Variants in NID2 observed in about 807,000 individuals in gnomAD.
The protein encoded by NID2 is nidogen 2.
NID2 carries 83 observed loss-of-function variants against 145.4 expected under a neutral mutation model. That is an observed-to-expected ratio of 0.57 (90% CI 0.48 to 0.69). The LOEUF (loss-of-function observed/expected upper bound fraction) is 0.69, where lower values mean the gene tolerates loss of function less well. NID2 is among the 30% of genes least tolerant of loss of function. The pLI is 0.00. For synonymous variants in NID2, 739 were observed against 701.3 expected (o/e 1.05, Z -0.85); for missense variants, 1,807 against 1,765.7 (o/e 1.02, Z -0.42).
At position 52,054,279 on chromosome 14, in the gene NID2, G is replaced by A. The variant is rs372334779; in HGVS notation, c.810C>T (p.Ile270=). ...LGIPGVWAFH[I]GSTSPLDNVR... is the part of the protein sequence containing the mutation. ...CATTGTCCAACGGGGAAGTGCTGCC[G>A]ATATGGAAAGCCCACACTCCAGGGA... is the stretch of plus-strand genomic sequence containing the variant. Residue 270 remains isoleucine (I), a synonymous_variant, in exon 4 of 22, where the codon ATC becomes ATT. Transcript: ENST00000216286. 145 of 1,614,098 alleles carry A rather than the reference G, an allele frequency of 9.0e-5. No homozygotes were observed. The highest frequency in any genetic ancestry group is 1.1e-4 in the Non-Finnish European group (134 of 1,179,978).
intron 13 of NID2, 36 bp from the exon 14 acceptor site, chr14:52,019,330 A>C: frequency 2.0e-6 from 3 of 1,512,290 alleles, no homozygotes; most frequent in Non-Finnish European, 2.7e-6. Context: ...CACAAAAGAG[A>C]AATAGAAGGC....
intron 12 of NID2, among the ~76,000 whole-genome samples, chr14:52,023,352 G>C (rs116320177): frequency 6.6e-6 from 1 of 151,926 alleles, no homozygotes; most frequent in Non-Finnish European, 1.5e-5. Flanking sequence ...TACTTGGGGG[G>C]GCTGAGATGT....
intron 19 of NID2, 196 bp from the exon 20 acceptor site, chr14:52,006,856 T>G (rs541001935): frequency 2.2e-6 from 1 of 447,474 alleles, no homozygotes; most frequent in East Asian, 4.1e-5. Context: ...CTTTCAATCC[T>G]TTTTTGGAAG....
chr14:52,027,463 C>G, intron 11 of NID2, 119 bp from the exon 12 acceptor site: 1 of 813,918 alleles, frequency 1.2e-6, no homozygotes, highest in Non-Finnish European at 1.8e-6. Flanking sequence ...GTTCTCAGAC[C>G]CTACCCAAGG....
chr14:52,047,450 A>T (rs1892542815), intron 5 of NID2, among the ~76,000 whole-genome samples: 1 of 152,134 alleles, frequency 6.6e-6, no homozygotes, highest in Non-Finnish European at 1.5e-5. Context: ...GGCCTGGGTC[A>T]TTCATGCAGG....
In NID2 at chr14:52,044,266, C is replaced by CTTT. The variant is rs55972168; in HGVS notation, c.1430-1338_1430-1336dup. On this transcript the variant is annotated intron_variant, in intron 5 of 21. Coordinates refer to ENST00000216286, the MANE Select transcript of NID2 (RefSeq NM_007361.4). ...ATATACAAGCTTTACATTTAACAAC[C>CTTT]TTTTTTTTTTTTTTTTTTTTTGAAA... Among the ~76,000 whole-genome samples, 377 of 113,924 alleles carry CTTT rather than the reference C, an allele frequency of 3.3e-3. 7 individuals carry two copies. The highest frequency in any genetic ancestry group is 6.8e-3 in the South Asian group (22 of 3,242). The allele number at this position is 113,924 out of a possible 152,430, so 74.7% of individuals were successfully genotyped here. A position where few individuals can be genotyped will look rare whatever the true frequency, so the allele number is the denominator to read the frequency against.
At chr14:52,061,004 G>C (rs1194477042) in intron 2 of NID2, among the ~76,000 whole-genome samples, 2 of 152,174 alleles carry the variant, frequency 1.3e-5, no homozygotes, top group Admixed American at 6.5e-5. Flanking sequence ...GTATGTGGTG[G>C]TGGGCCAGCC....
intron 9 of NID2, among the ~76,000 whole-genome samples, chr14:52,031,485 C>T (rs896269613): frequency 6.6e-6 from 1 of 152,136 alleles, no homozygotes; most frequent in Non-Finnish European, 1.5e-5. Context: ...CCCAGCTAAG[C>T]CTGTCAGGTT....
At position 52,030,658 on chromosome 14, in the gene NID2, GA is replaced by G. The variant is rs1566756004; in HGVS notation, c.2258-969del. On this transcript the variant is annotated intron_variant, in intron 9 of 21. Coordinates refer to ENST00000216286, the MANE Select transcript of NID2 (RefSeq NM_007361.4). ...AAAGAGAAAGAAAAAGAGAAAGAAA[GA>G]AAGAAAAAGAAAAGAAAGAAAAGGA... Among the ~76,000 whole-genome samples the G allele has an allele frequency of 6.0e-5, 9 of 150,084 alleles. No individual in the cohort carries two copies. The East Asian group carries it at 7.8e-4, about 13-fold the overall frequency.
chr14:52,043,011 C>T, intron 5 of NID2, 80 bp from the exon 6 acceptor site: 1 of 1,363,428 alleles, frequency 7.3e-7, no homozygotes, highest in Non-Finnish European at 1.0e-6. Flanking sequence ...AACATCTGCT[C>T]CATAGAAGCA....
Position 52,010,976 on chromosome 14 carries a change from C to G in NID2, c.3622G>C (p.Asp1208His), listed in dbSNP as rs765642058. Residue 1208 changes from aspartate (D) to histidine (H), a missense_variant, in exon 18 of 22, where the codon GAT becomes CAT. Transcript: ENST00000216286. ...TCCAGCAGGGCGCTCTCTATCTTAT[C>G]CAGGACACTGTCCGTCCAGTACATT... is the stretch of plus-strand genomic sequence containing the variant. ...RTMYWTDSVLDKIESALLDGS... is the reference protein window; with the variant it reads ...RTMYWTDSVLHKIESALLDGS... 2.0e-5 allele frequency: 33 copies of G among 1,614,066 alleles called. No homozygotes were observed. Among genetic ancestry groups the G allele is most frequent in the Non-Finnish European group, 2.8e-5 (33 of 1,180,048 alleles).
Position 52,038,933 on chromosome 14 carries a change from C to T in NID2, c.2071G>A (p.Ala691Thr), listed in dbSNP as rs776267589. 6.2e-7 allele frequency: 1 copy of T among 1,613,912 alleles called. No individual in the cohort carries two copies. The highest frequency in any genetic ancestry group is 8.5e-7 in the Non-Finnish European group (1 of 1,179,944). ...SSRDYSLTFG[A>T]INQTWSYRIH... ...CGGTAGGACCATGTTTGGTTGATTG[C>T]ACCAAAAGTCAGAGAGTAGTCTCTG... Residue 691 changes from alanine (A) to threonine (T), a missense_variant, in exon 9 of 22, where the codon GCA (alanine) becomes ACA (threonine). Ala to Thr is a moderately conservative substitution (Grantham distance 58, BLOSUM62 0). Coordinates refer to ENST00000216286, the MANE Select transcript of NID2 (RefSeq NM_007361.4).
intron 5 of NID2, among the ~76,000 whole-genome samples, chr14:52,048,085 G>C (rs1892564623): frequency 6.6e-6 from 1 of 152,170 alleles, no homozygotes; most frequent in African/African-American, 2.4e-5. Flanking sequence ...TCTGAGCTAG[G>C]TGTTGCTCAT....
At chr14:52,015,912 G>A (rs2140355721) in intron 14 of NID2, among the ~76,000 whole-genome samples, 1 of 152,288 alleles carries the variant, frequency 6.6e-6, no homozygotes, top group Non-Finnish European at 1.5e-5. Flanking sequence ...CATAGCAGAG[G>A]TGGTGGCAAA....
rs1566755701 is a variant in NID2 at position 52,030,578 on chromosome 14, GAAAGA to G, written c.2258-893_2258-889del. Reference sequence around the variant, plus strand: ...AAAGAAAGAAAGAAAGGAAGGAAGGGAAAGAAAGAAAGAAAGAAAGAAAGAAAGAG... The same window carrying G: ...AAAGAAAGAAAGAAAGGAAGGAAGGGAAGAAAGAAAGAAAGAAAGAAAGAG... On this transcript the variant is annotated intron_variant, in intron 9 of 21. Transcript: ENST00000216286. Among the ~76,000 whole-genome samples, 18 of 3,132 alleles carry G rather than the reference GAAAGA, an allele frequency of 5.7e-3. 1 individual carries two copies. The highest frequency in any genetic ancestry group is 0.033 in the South Asian group (2 of 60). The allele number at this position is 3,132 out of a possible 152,430, so 2.1% of individuals were successfully genotyped here. A position where few individuals can be genotyped will look rare whatever the true frequency, so the allele number is the denominator to read the frequency against.
intron 12 of NID2, 108 bp downstream of exon 12, chr14:52,027,093 G>A (rs1891612344): frequency 1.7e-6 from 2 of 1,173,876 alleles, no homozygotes; most frequent in South Asian, 4.7e-5. Context: ...CCACAAGGCT[G>A]TTAGAGTCAA....
intron 5 of NID2, among the ~76,000 whole-genome samples, chr14:52,043,289 A>G (rs1279008655): frequency 1.3e-5 from 2 of 152,254 alleles, no homozygotes; most frequent in Non-Finnish European, 2.9e-5. Context: ...GCACTTTTAT[A>G]TGGTTCAACC....
chr14:52,065,304 C>T lies in NID2; in HGVS notation c.534+2554G>A, dbSNP rs554234191. ...TTAAGAACGCCATGTAGAACTCAGT[C>T]CTTCAAGCAAATTAGATTACTGTTT... On this transcript the variant is annotated intron_variant, in intron 2 of 21. Coordinates refer to ENST00000216286, the MANE Select transcript of NID2 (RefSeq NM_007361.4). 2.6e-5 allele frequency among the ~76,000 whole-genome samples: 4 copies of T among 152,170 alleles called. No homozygotes were observed. In the South Asian group the frequency reaches 8.3e-4, roughly 32 times the overall value.
chr14:52,036,462 T>A (rs1248198507), intron 9 of NID2, among the ~76,000 whole-genome samples: 1 of 152,246 alleles, frequency 6.6e-6, no homozygotes, highest in Non-Finnish European at 1.5e-5. Context: ...ACTGCCACTA[T>A]GAATATACAC....
Sources: gnomAD v4.1 joint callset for allele counts (sites outside exome capture counted in the v4.1 genomes callset) on GRCh38, gnomAD v4.1.1 for gene constraint, MANE v1.5 for transcripts, NCBI Gene and HGNC (gene_info 2026-07-23, HGNC 2026-07-21) for gene names.